Variants in TSNARE1 observed in about 807,000 individuals in gnomAD.
The protein encoded by TSNARE1 is t-SNARE domain-containing protein 1.
Under a neutral mutation model 62.0 loss-of-function variants are expected in TSNARE1, and 49 were observed. The ratio of observed to expected loss-of-function variants is 0.79; its 90% CI spans 0.63 to 1.00. TSNARE1 has a LOEUF of 1.00. Among genes scored for constraint, TSNARE1 ranks in the 50% least tolerant of loss-of-function variants. The pLI, the probability that TSNARE1 is intolerant of heterozygous loss-of-function variation, is 0.00. For synonymous variants in TSNARE1, 328 were observed against 294.4 expected (o/e 1.11, Z -1.17); for missense variants, 755 against 700.1 (o/e 1.08, Z -0.88).
chr8:142,362,983 C>T (rs1326796134), intron 1 of TSNARE1, among the ~76,000 whole-genome samples: 1 of 152,180 alleles, frequency 6.6e-6, no homozygotes, highest in African/African-American at 2.4e-5. Context: ...TCCCTGGACG[C>T]TCGGGTCCTG....
chr8:142,402,751 A>C (rs1409117159), intron 1 of TSNARE1: 2 of 152,378 alleles, frequency 1.3e-5, no homozygotes, highest in Middle Eastern at 6.3e-3. Flanking sequence ...ACTGACCTCC[A>C]GGCGCAGGCA....
intron 13 of TSNARE1, among the ~76,000 whole-genome samples, chr8:142,226,363 C>A (rs554952061): frequency 3.9e-5 from 6 of 152,142 alleles, no homozygotes; most frequent in African/African-American, 1.4e-4. Context: ...TGGCAGCAGG[C>A]GGGGGTCCTC....
At chr8:142,256,049 TCACCATCACCAC>T (rs1818504466) in intron 12 of TSNARE1, among the ~76,000 whole-genome samples, 1 of 20,882 alleles carries the variant, frequency 4.8e-5, no homozygotes, top group Non-Finnish European at 1.1e-4. Context: ...ACCACCACCG[TCACCATCACCAC>T]CACCATCACC....
At chr8:142,372,530 G>A (rs532908213) in intron 1 of TSNARE1, among the ~76,000 whole-genome samples, 16 of 152,304 alleles carry the variant, frequency 1.1e-4, no homozygotes, top group East Asian at 9.7e-4. Context: ...CAGAGGCTGC[G>A]GGGTGGAGCG....
At chr8:142,372,874 G>A (rs1169173895) in intron 1 of TSNARE1, among the ~76,000 whole-genome samples, 4 of 149,414 alleles carry the variant, frequency 2.7e-5, no homozygotes, top group Admixed American at 2.7e-4. Context: ...GCCTCCTCCT[G>A]AGAAGGCCAC....
intron 1 of TSNARE1, among the ~76,000 whole-genome samples, chr8:142,357,152 C>A (rs751503361): frequency 3.3e-5 from 5 of 152,174 alleles, no homozygotes; most frequent in Non-Finnish European, 5.9e-5. Flanking sequence ...ACAGGAGGGC[C>A]AGGGGAAGAG....
chr8:142,314,863 G>T, intron 8 of TSNARE1, 140 bp downstream of exon 8: 1 of 795,072 alleles, frequency 1.3e-6, no homozygotes, highest in Non-Finnish European at 2.1e-6. Flanking sequence ...GAGACTGTCT[G>T]CAAGAACAAC....
chr8:142,232,201 A>G (rs1817151450), intron 12 of TSNARE1, among the ~76,000 whole-genome samples: 1 of 152,236 alleles, frequency 6.6e-6, no homozygotes, highest in African/African-American at 2.4e-5. Context: ...GAGCTGGTGC[A>G]TGGGAAGAAC....
intron 4 of TSNARE1, among the ~76,000 whole-genome samples, chr8:142,342,587 C>A (rs1832728741): frequency 6.6e-6 from 1 of 152,218 alleles, no homozygotes; most frequent in Non-Finnish European, 1.5e-5. Flanking sequence ...AGGAACCAGG[C>A]TGCCGCCCTC....
Position 142,344,475 on chromosome 8 carries a change from G to A in TSNARE1, c.239-3C>T. 6.5e-7 allele frequency: 1 copy of A among 1,532,402 alleles called. No homozygotes were observed. Among genetic ancestry groups the A allele is most frequent in the Non-Finnish European group, 8.7e-7 (1 of 1,145,302 alleles). The allele number at this position is 1,532,402 out of a possible 1,614,324, so 94.9% of individuals were successfully genotyped here. A position where few individuals can be genotyped will look rare whatever the true frequency, so the allele number is the denominator to read the frequency against. On this transcript the variant is annotated splice_polypyrimidine_tract_variant and splice_region_variant and intron_variant, in intron 3 of 13. Coordinates refer to ENST00000524325, the MANE Select transcript of TSNARE1 (RefSeq NM_145003.5). ...GCCTTCAGGGGCAACCCCAGGCCCTGGAAAGGCACCAAAAGGCGGATGTTT... is the reference window on the plus strand; with the variant it reads ...GCCTTCAGGGGCAACCCCAGGCCCTAGAAAGGCACCAAAAGGCGGATGTTT...
chr8:142,401,579 T>C (rs1167721924), intron 1 of TSNARE1, among the ~76,000 whole-genome samples: 1 of 152,150 alleles, frequency 6.6e-6, no homozygotes, highest in African/African-American at 2.4e-5. Flanking sequence ...TGCCTAGGTC[T>C]AGGCTCTTGA....
At chr8:142,391,642 T>C (rs1445031561) in intron 1 of TSNARE1, among the ~76,000 whole-genome samples, 1 of 152,220 alleles carries the variant, frequency 6.6e-6, no homozygotes, top group African/African-American at 2.4e-5. Context: ...ACGCGGGTGC[T>C]CACAGTGGAA....
At chr8:142,218,180 C>G (rs2129874789) in intron 13 of TSNARE1, among the ~76,000 whole-genome samples, 1 of 130,278 alleles carries the variant, frequency 7.7e-6, no homozygotes, top group South Asian at 2.4e-4. Flanking sequence ...CTCAGTGTGA[C>G]CAGGATCAGG....
rs1372138700 is a variant in TSNARE1 at position 142,289,909 on chromosome 8, G to A, written c.1291-5424C>T. 3.9e-5 allele frequency among the ~76,000 whole-genome samples: 6 copies of A among 152,318 alleles called. No individual in the cohort carries two copies. The East Asian group carries it at 9.7e-4, about 25-fold the overall frequency. On this transcript the variant is annotated intron_variant, in intron 10 of 13. Coordinates refer to ENST00000524325, the MANE Select transcript of TSNARE1 (RefSeq NM_145003.5). The stretch of plus-strand genomic sequence containing the variant: ...TGCAGCTGGGCCTGTCGCTGATGGT[G>A]CAGGCAGATCCCAAGGATGGGCCCA...
chr8:142,269,744 G>C (rs1035286172), intron 12 of TSNARE1: 1 of 984,694 alleles, frequency 1.0e-6, no homozygotes, highest in Admixed American at 6.2e-5. Context: ...CTTTCCCAGG[G>C]TGGAACCATC....
intron 2 of TSNARE1, among the ~76,000 whole-genome samples, chr8:142,353,292 G>A (rs1834339556): frequency 6.6e-6 from 1 of 152,084 alleles, no homozygotes; most frequent in African/African-American, 2.4e-5. Context: ...GGCCCCCTAA[G>A]GGCACAGGAC....
rs62000450 is a variant in TSNARE1, at chr8:142,315,085, C to G, written c.992G>C (p.Arg331Pro). 6.2e-7 allele frequency: 1 copy of G among 1,613,814 alleles called. No homozygotes were observed. The highest frequency in any genetic ancestry group is 2.2e-5 in the East Asian group (1 of 44,888). The change falls in exon 8 of 14, where the codon CGT becomes CCT. Residue 331 changes from arginine (R) to proline (P), a missense_variant. Transcript: ENST00000524325. ...CAGCTGAGGACGCTCCTGCTGCAGA[C>G]GCTCCTGCTGCAGAGAAGGTACAGC... ...ELLRSSCPQE[R>P]LQQERPQLDR... is the part of the protein sequence containing the mutation.
intron 12 of TSNARE1, among the ~76,000 whole-genome samples, chr8:142,246,610 C>T (rs960643413): frequency 7.2e-5 from 11 of 152,332 alleles, no homozygotes; most frequent in Middle Eastern, 3.4e-3. Context: ...CTCTGCCCCT[C>T]GAGTGTAGCT....
intron 1 of TSNARE1, among the ~76,000 whole-genome samples, chr8:142,376,026 C>T (rs983422434): frequency 3.3e-5 from 5 of 152,188 alleles, no homozygotes; most frequent in African/African-American, 4.8e-5. Context: ...TCGGACCAGC[C>T]GCTATAAACA....
Sources: allele counts gnomAD v4.1 joint callset (sites outside exome capture counted in the v4.1 genomes callset), GRCh38; gene constraint gnomAD v4.1.1; transcripts MANE v1.5; gene names NCBI Gene and HGNC (gene_info 2026-07-23, HGNC 2026-07-21).